The following ADAMTS14 variants were observed in gnomAD, a reference collection of about 807,000 sequenced individuals.
ADAMTS14 encodes A disintegrin and metalloproteinase with thrombospondin motifs 14.
In ADAMTS14, 100 loss-of-function variants were observed where a neutral mutation model predicts 128.6. The observed-to-expected ratio is 0.78, with a 90% CI of 0.66 to 0.92. The LOEUF is 0.92. Ranked by LOEUF, ADAMTS14 falls within the 40% of genes least tolerant of loss-of-function variation. The pLI is 0.00. For synonymous variants in ADAMTS14, 665 were observed against 653.8 expected, an observed-to-expected ratio of 1.02 and a Z score of -0.26; for missense variants, 1,562 against 1,658.6, an observed-to-expected ratio of 0.94 and a Z score of 1.01.
At position 70,752,125 on chromosome 10, in the gene ADAMTS14, G is replaced by T; in HGVS notation, c.2627G>T (p.Arg876Leu). 1.2e-6 allele frequency: 2 copies of T among 1,613,180 alleles called. No homozygotes were observed. Among genetic ancestry groups the T allele is most frequent in the Non-Finnish European group, 1.7e-6 (2 of 1,179,914 alleles). The change falls in exon 18 of 22, where the codon CGC becomes CTC. Residue 876 changes from arginine (R) to leucine (L), a missense_variant. Physicochemically the swap from Arg to Leu is moderately radical, Grantham distance 102. Coordinates refer to ENST00000373207, the MANE Select transcript of ADAMTS14 (RefSeq NM_080722.4). The stretch of plus-strand genomic sequence containing the variant: ...CAGTTCACCAAATACGGCTGCCGGC[G>T]CAGACGAGACCACCACATGGTGCAG... ...GIQFTKYGCR[R>L]RRDHHMVQRH...
rs1417384548 is a variant in ADAMTS14, at chr10:70,715,565, A to C, written c.870+6787A>C. On this transcript the variant is annotated intron_variant, in intron 4 of 21. Transcript: ENST00000373207. ...ACTCTTTGGGGCTATGGGAAAAACA[A>C]TGAAACCCACTGCTGAGGTGGAGAG... Among the ~76,000 whole-genome samples the C allele has an allele frequency of 3.3e-5, 5 of 152,094 alleles. No individual in the cohort carries two copies. In the East Asian group the frequency reaches 7.7e-4, roughly 23 times the overall value.
chr10:70,760,241 G>T (rs577936488), intron 21 of ADAMTS14, 119 bp from the exon 22 acceptor site: 1 of 1,333,944 alleles, frequency 7.5e-7, no homozygotes, highest in South Asian at 1.6e-5. Context: ...GCTTTATAGT[G>T]GGTCCAGCAG....
intron 4 of ADAMTS14, among the ~76,000 whole-genome samples, chr10:70,709,495 G>GTTT (rs746940189): frequency 0.12 from 11,708 of 101,242 alleles, 2,316 homozygotes; most frequent in African/African-American, 0.2. Context: ...AACATTTCCA[G>GTTT]TTTTTTTTTT....
rs1413557856 is a variant in ADAMTS14, at chr10:70,760,972, C to T, written c.*119C>T. 1.5e-6 allele frequency: 2 copies of T among 1,354,600 alleles called. No homozygotes were observed. The highest frequency in any genetic ancestry group is 1.9e-6 in the Non-Finnish European group (2 of 1,031,658). The allele number at this position is 1,354,600 out of a possible 1,614,324, so 83.9% of individuals were successfully genotyped here. A position where few individuals can be genotyped will look rare whatever the true frequency, so the allele number is the denominator to read the frequency against. On this transcript the variant is annotated 3_prime_UTR_variant, in exon 22 of 22. Coordinates refer to ENST00000373207, the MANE Select transcript of ADAMTS14 (RefSeq NM_080722.4). ...CACAGACTTCATTTTAAATCATTCG[C>T]CTTCTTCTCGTTTGGGGCTGTGATG...
At chr10:70,716,893 A>G (rs1841069178) in intron 4 of ADAMTS14, among the ~76,000 whole-genome samples, 1 of 152,090 alleles carries the variant, frequency 6.6e-6, no homozygotes, top group African/African-American at 2.4e-5. Flanking sequence ...TGCCTCCTAT[A>G]TGTCTTTTGC....
At chr10:70,756,542 A>G (rs1842482872) in intron 19 of ADAMTS14, among the ~76,000 whole-genome samples, 1 of 152,168 alleles carries the variant, frequency 6.6e-6, no homozygotes, top group African/African-American at 2.4e-5. Context: ...ATACACAGAG[A>G]CCGGGTGGTC....
chr10:70,737,563 G>GC (rs1434592301), intron 10 of ADAMTS14, among the ~76,000 whole-genome samples: 2 of 152,184 alleles, frequency 1.3e-5, no homozygotes, highest in African/African-American at 4.8e-5. Context: ...CCACCAGCCT[G>GC]CCCCCTGCCT....
chr10:70,748,455 C>T (rs1842249884), intron 15 of ADAMTS14, among the ~76,000 whole-genome samples: 1 of 152,164 alleles, frequency 6.6e-6, no homozygotes, highest in Non-Finnish European at 1.5e-5. Context: ...CCTGGGTGGG[C>T]AGGAGGCGAG....
intron 4 of ADAMTS14, among the ~76,000 whole-genome samples, chr10:70,709,370 AT>A (rs1304035534): frequency 6.6e-6 from 1 of 152,054 alleles, no homozygotes; most frequent in Non-Finnish European, 1.5e-5. Flanking sequence ...TCCTGCAGAG[AT>A]ACAGGACTCT....
chr10:70,697,522 A>G lies in ADAMTS14; in HGVS notation c.523-4790A>G, dbSNP rs529214369. Among the ~76,000 whole-genome samples the G allele has an allele frequency of 2.7e-4, 41 of 152,346 alleles. 2 individuals carry two copies. The South Asian group carries it at 8.5e-3, about 32-fold the overall frequency. On this transcript the variant is annotated intron_variant, in intron 2 of 21. Transcript: ENST00000373207. ...TACCCTTGCCTCCCAGTTTACATGC[A>G]CATACATGCAATTTGAGAATAGATG... is the stretch of plus-strand genomic sequence containing the variant.
chr10:70,745,783 C>G (rs2132720988), intron 15 of ADAMTS14, among the ~76,000 whole-genome samples: 1 of 152,182 alleles, frequency 6.6e-6, no homozygotes, highest in East Asian at 1.9e-4. Flanking sequence ...CTTCTTGGAC[C>G]AAGTCATGCA....
intron 7 of ADAMTS14, among the ~76,000 whole-genome samples, chr10:70,732,652 A>G (rs950180982): frequency 1.3e-5 from 2 of 152,182 alleles, no homozygotes; most frequent in East Asian, 3.9e-4. Context: ...TGGGTGGGTC[A>G]GTGGCAGTGT....
chr10:70,714,120 G>A (rs1364309148), intron 4 of ADAMTS14, among the ~76,000 whole-genome samples: 1 of 152,042 alleles, frequency 6.6e-6, no homozygotes, highest in Non-Finnish European at 1.5e-5. Flanking sequence ...TGGAGCCCAG[G>A]AGTTCAAGGC....
At chr10:70,723,527 T>G (rs1841335555) in intron 4 of ADAMTS14, among the ~76,000 whole-genome samples, 1 of 152,244 alleles carries the variant, frequency 6.6e-6, no homozygotes, top group South Asian at 2.1e-4. Context: ...CCTAAAGTTA[T>G]TTTAAAATAA....
chr10:70,748,594 T>G (rs926838616), intron 15 of ADAMTS14, among the ~76,000 whole-genome samples: 4 of 152,222 alleles, frequency 2.6e-5, no homozygotes, highest in African/African-American at 9.7e-5. Flanking sequence ...CAGCTCCAAC[T>G]GTTGCCCACT....
At chr10:70,725,121 C>T (rs1027756158) in intron 4 of ADAMTS14, among the ~76,000 whole-genome samples, 4 of 151,788 alleles carry the variant, frequency 2.6e-5, no homozygotes, top group African/African-American at 7.3e-5. Context: ...CAGTGTTTTC[C>T]GTTTGGTGAG....
At chr10:70,738,701 G>C (rs1051444404) in intron 10 of ADAMTS14, 141 bp from the exon 11 acceptor site, 11 of 1,159,390 alleles carry the variant, frequency 9.5e-6, no homozygotes, top group Admixed American at 4.7e-5. Context: ...CAAGCCTTTT[G>C]TTTAAGGCTG....
At chr10:70,754,148 C>A in intron 19 of ADAMTS14, 141 bp downstream of exon 19, 1 of 758,502 alleles carries the variant, frequency 1.3e-6, no homozygotes, top group Non-Finnish European at 2.1e-6. Context: ...AGTAGAATAG[C>A]TCCTACGTAC....
At chr10:70,708,464 T>A in intron 3 of ADAMTS14, 124 bp from the exon 4 acceptor site, 1 of 813,622 alleles carries the variant, frequency 1.2e-6, no homozygotes. Flanking sequence ...TCCCTCATAC[T>A]ACTTTACTTA....
Sources: gnomAD v4.1 joint callset for allele counts (sites outside exome capture counted in the v4.1 genomes callset) on GRCh38, gnomAD v4.1.1 for gene constraint, MANE v1.5 for transcripts, NCBI Gene and HGNC (gene_info 2026-07-23, HGNC 2026-07-21) for gene names.